Variants in PLEKHG4B observed in about 807,000 individuals in gnomAD.
PLEKHG4B encodes the protein pleckstrin homology and RhoGEF domain containing G4B.
A neutral mutation model predicts 121.3 loss-of-function variants in PLEKHG4B; 111 were observed. The observed-to-expected ratio is 0.92, with a 90% CI of 0.78 to 1.07. The LOEUF is 1.07. Among genes scored for constraint, PLEKHG4B ranks in the 50% least tolerant of loss-of-function variants. PLEKHG4B has a pLI of 0.00. For synonymous variants in PLEKHG4B, 738 were observed against 725.0 expected (o/e 1.02, Z -0.29); for missense variants, 1,831 against 1,757.8 (o/e 1.04, Z -0.74).
chr5:162,823 A>G lies in PLEKHG4B; in HGVS notation c.2751A>G (p.Ala917=). ...SCHQEATSVA[A]EAFPGAGVAV... ...ACCAGGAGGCTACCTCGGTGGCTGC[A>G]GAGGCCTTCCCCGGGGCAGGTGTGG... is the stretch of plus-strand genomic sequence containing the variant. Residue 917 remains alanine, a synonymous_variant, in exon 13 of 20, where the codon GCA becomes GCG. Coordinates refer to ENST00000637938, the MANE Select transcript of PLEKHG4B (RefSeq NM_052909.5). The G allele has an allele frequency of 2.0e-6, 3 of 1,511,172 alleles. No homozygotes were observed. Among genetic ancestry groups the G allele is most frequent in the Non-Finnish European group, 2.7e-6 (3 of 1,129,716 alleles). 93.6% of individuals were successfully genotyped at this position (1,511,172 alleles called of 1,614,324 possible). A position where few individuals can be genotyped will look rare whatever the true frequency, so the allele number is the denominator to read the frequency against.
At chr5:171,171 C>A in intron 15 of PLEKHG4B, 39 bp downstream of exon 15, 1 of 1,606,656 alleles carries the variant, frequency 6.2e-7, no homozygotes, top group Non-Finnish European at 8.5e-7. Context: ...CCTGCCCGGC[C>A]CTCAGCCAGG....
At chr5:117,710 G>A (rs914479151) in intron 2 of PLEKHG4B, among the ~76,000 whole-genome samples, 3 of 152,094 alleles carry the variant, frequency 2.0e-5, no homozygotes, top group Admixed American at 6.6e-5. Flanking sequence ...AAAGTTAGCC[G>A]GGCGTGGTGG....
At chr5:132,752 A>T (rs528708560) in intron 2 of PLEKHG4B, among the ~76,000 whole-genome samples, 68 of 152,194 alleles carry the variant, frequency 4.5e-4, no homozygotes, top group South Asian at 1.0e-3. Flanking sequence ...ATTGGTTTAT[A>T]CACCTATTTT....
intron 2 of PLEKHG4B, among the ~76,000 whole-genome samples, chr5:114,536 C>T (rs189823613): frequency 3.5e-4 from 53 of 152,216 alleles, no homozygotes; most frequent in Admixed American, 2.6e-3. Flanking sequence ...CAGCTCACTG[C>T]GACCTCCGCC....
chr5:140,210 T>C lies in PLEKHG4B; in HGVS notation c.971T>C (p.Leu324Pro). ...GACCAGGAGGACAGACCCAAGGCCC[T>C]CACCTTCCACACAGACCTGGGCATC... ...PMDQEDRPKALTFHTDLGIPS... is the reference protein window; with the variant it reads ...PMDQEDRPKAPTFHTDLGIPS... The change falls in exon 3 of 20, where the codon CTC becomes CCC. Residue 324 changes from leucine to proline, a missense_variant. Coordinates refer to ENST00000637938, the MANE Select transcript of PLEKHG4B (RefSeq NM_052909.5). 6 of 1,316,222 alleles carry C rather than the reference T, an allele frequency of 4.6e-6. No homozygotes were observed. The highest frequency in any genetic ancestry group is 6.1e-6 in the Non-Finnish European group (6 of 980,762). The allele number at this position is 1,316,222 out of a possible 1,614,324, so 81.5% of individuals were successfully genotyped here.
Position 187,307 on chromosome 5 carries a change from CTCT to C in PLEKHG4B, c.*4989_*4991del, listed in dbSNP as rs1451044999. The C allele has an allele frequency of 6.6e-6, 1 of 152,454 alleles. No homozygotes were observed. Among genetic ancestry groups the C allele is most frequent in the East Asian group, 1.9e-4 (1 of 5,180 alleles). The allele number at this position is 152,454 out of a possible 1,614,324, so 9.4% of individuals were successfully genotyped here. A position where few individuals can be genotyped will look rare whatever the true frequency, so the allele number is the denominator to read the frequency against. Reference sequence around the variant, plus strand: ...CATCCCCATCACCTTCCAGAGAGACCTCTTCTTTTGCCAGGTGTCGTGAGGGCT... The same window carrying C: ...CATCCCCATCACCTTCCAGAGAGACCTCTTTTGCCAGGTGTCGTGAGGGCT... On this transcript the variant is annotated 3_prime_UTR_variant, in exon 20 of 20. Transcript: ENST00000637938.
At position 184,247 on chromosome 5, in the gene PLEKHG4B, T is replaced by G. The variant is rs1005929337; in HGVS notation, c.*1924T>G. On this transcript the variant is annotated 3_prime_UTR_variant, in exon 20 of 20. Coordinates refer to ENST00000637938, the MANE Select transcript of PLEKHG4B (RefSeq NM_052909.5). ...GGCCACTGGTATAAGTCTGAGTCCA[T>G]AGACCCAGTGAACTCCAAACACAAG... 6.6e-6 allele frequency: 1 copy of G among 152,196 alleles called. No homozygotes were observed. Among genetic ancestry groups the G allele is most frequent in the African/African-American group, 2.4e-5 (1 of 41,454 alleles). The allele number at this position is 152,196 out of a possible 1,614,324, so 9.4% of individuals were successfully genotyped here. A position where few individuals can be genotyped will look rare whatever the true frequency, so the allele number is the denominator to read the frequency against.
Position 182,095 on chromosome 5 carries a change from C to T in PLEKHG4B, c.4656C>T (p.Thr1552=), listed in dbSNP as rs1733423935. The T allele has an allele frequency of 6.2e-7, 1 of 1,614,160 alleles. No individual in the cohort carries two copies. The highest frequency in any genetic ancestry group is 8.5e-7 in the Non-Finnish European group (1 of 1,180,038). ...RPHSTISDSS[T]SSSSSQSSSI... is the part of the protein sequence containing the mutation. ...ACTCCACCATCTCAGACAGCAGCAC[C>T]TCCTCTTCTAGCAGCCAGTCCTCCT... The change falls in exon 20 of 20, where the codon ACC becomes ACT. Residue 1552 remains threonine, a synonymous_variant. Transcript: ENST00000637938.
intron 2 of PLEKHG4B, among the ~76,000 whole-genome samples, chr5:135,221 A>G (rs1734922189): frequency 6.6e-6 from 1 of 151,246 alleles, no homozygotes. Flanking sequence ...TTTGATTTAT[A>G]ATAGTATTAA....
Position 163,524 on chromosome 5 carries a change from A to C in PLEKHG4B, c.3452A>C (p.Glu1151Ala), listed in dbSNP as rs757250404. The change falls in exon 13 of 20, where the codon GAG becomes GCG. Residue 1151 changes from glutamate (E) to alanine (A), a missense_variant. Glu to Ala is a moderately radical substitution (Grantham distance 107). Transcript: ENST00000637938. ...CCCTCGGGGCTCCACCCTGCTGAGG[A>C]GGATGGGAGGCAGCAGGTGGGCAGG... ...SSPSGLHPAEEDGRQQVGSSR... is the reference protein window; with the variant it reads ...SSPSGLHPAEADGRQQVGSSR... The C allele has an allele frequency of 6.2e-7, 1 of 1,604,488 alleles. No individual in the cohort carries two copies. Among genetic ancestry groups the C allele is most frequent in the South Asian group, 1.1e-5 (1 of 90,414 alleles).
intron 2 of PLEKHG4B, among the ~76,000 whole-genome samples, chr5:114,026 C>CT (rs1271328500): frequency 3.3e-5 from 5 of 152,332 alleles, no homozygotes; most frequent in Middle Eastern, 3.4e-3. Context: ...ACACTATAGT[C>CT]TAAGTGTGCA....
chr5:172,778 C>A, intron 16 of PLEKHG4B, 119 bp from the exon 17 acceptor site: 2 of 1,112,002 alleles, frequency 1.8e-6, no homozygotes, highest in Non-Finnish European at 2.7e-6. Context: ...GATTTTATGG[C>A]AGTTTGGCTG....
chr5:172,578 G>A (rs1349918471), intron 16 of PLEKHG4B, among the ~76,000 whole-genome samples: 7 of 152,324 alleles, frequency 4.6e-5, no homozygotes, highest in Admixed American at 6.5e-5. Flanking sequence ...ACCCGGGAAC[G>A]GGGGCCGGGG....
At chr5:99,198 A>ATATATATATATT (rs1296170078) in intron 1 of PLEKHG4B, among the ~76,000 whole-genome samples, 19 of 124,126 alleles carry the variant, frequency 1.5e-4, no homozygotes, top group Non-Finnish European at 5.0e-5. Context: ...ATATATATAT[A>ATATATATATATT]TATATATATA....
chr5:154,626 T>TC (rs1260484511), intron 7 of PLEKHG4B, among the ~76,000 whole-genome samples: 1 of 128,878 alleles, frequency 7.8e-6, no homozygotes, highest in Non-Finnish European at 1.8e-5. Context: ...CCTCCCTTTT[T>TC]TTTTTTTTTT....
Position 143,510 on chromosome 5 carries a change from C to CG in PLEKHG4B, c.1811+13dup, listed in dbSNP as rs753968887. On this transcript the variant is annotated splice_region_variant and intron_variant, in intron 5 of 19. Coordinates refer to ENST00000637938, the MANE Select transcript of PLEKHG4B (RefSeq NM_052909.5). ...ACTTCCATAGCATCCCCAGGTGGGA[C>CG]GGGGGGCAAGGCCGCACCCTGCAGA... 6.2e-7 allele frequency: 1 copy of CG among 1,612,566 alleles called. No individual in the cohort carries two copies. The highest frequency in any genetic ancestry group is 8.5e-7 in the Non-Finnish European group (1 of 1,179,864).
At chr5:135,682 A>AAATATATAT (rs1553985215) in intron 2 of PLEKHG4B, among the ~76,000 whole-genome samples, 1 of 19,610 alleles carries the variant, frequency 5.1e-5, no homozygotes, top group Non-Finnish European at 1.0e-4. Context: ...AAAAAAAAAA[A>AAATATATAT]ATATATATAT....
Position 185,648 on chromosome 5 carries a change from A to G in PLEKHG4B, c.*3325A>G. On this transcript the variant is annotated 3_prime_UTR_variant, in exon 20 of 20. Coordinates refer to ENST00000637938, the MANE Select transcript of PLEKHG4B (RefSeq NM_052909.5). Reference sequence around the variant, plus strand: ...AAGGCATCTACGCCTGTGGAAGAGGAGGCTGCTGGGGGCCCAGGTGTGCAG... The same window carrying G: ...AAGGCATCTACGCCTGTGGAAGAGGGGGCTGCTGGGGGCCCAGGTGTGCAG... The G allele has an allele frequency of 6.6e-6, 1 of 152,660 alleles. No individual in the cohort carries two copies. Among genetic ancestry groups the G allele is most frequent in the Non-Finnish European group, 1.5e-5 (1 of 68,244 alleles). 9.5% of individuals were successfully genotyped at this position (152,660 alleles called of 1,614,324 possible).
At position 98,121 on chromosome 5, in the gene PLEKHG4B, C is replaced by T. The variant is rs114440770; in HGVS notation, c.45+5845C>T. 8.5e-3 allele frequency among the ~76,000 whole-genome samples: 1,290 copies of T among 152,096 alleles called. 35 individuals are homozygous for T. The highest frequency in any genetic ancestry group is 0.03 in the African/African-American group (1,225 of 41,426). On this transcript the variant is annotated intron_variant, in intron 1 of 19. Coordinates refer to ENST00000637938, the MANE Select transcript of PLEKHG4B (RefSeq NM_052909.5). ...GCTTTCAGTGACATATTTAAGAATC[C>T]ATTGCCACATGCAAAGGCATGAAGG...
Sources: allele counts gnomAD v4.1 joint callset (sites outside exome capture counted in the v4.1 genomes callset), GRCh38; gene constraint gnomAD v4.1.1; transcripts MANE v1.5; gene names NCBI Gene and HGNC (gene_info 2026-07-23, HGNC 2026-07-21).